The following RALB variants were observed in gnomAD, a reference collection of about 807,000 sequenced individuals.
RALB encodes ras-related protein Ral-B.
In RALB, 16 loss-of-function variants were observed where a neutral mutation model predicts 21.3. The ratio of observed to expected loss-of-function variants is 0.75; its 90% CI spans 0.51 to 1.14. The LOEUF is 1.14. RALB is among the 50% of genes most tolerant of loss of function. The pLI, the probability that RALB is intolerant of heterozygous loss-of-function variation, is 0.00. For synonymous variants in RALB, 93 were observed against 96.1 expected, an observed-to-expected ratio of 0.97 and a Z score of 0.19; for missense variants, 161 against 256.2, an observed-to-expected ratio of 0.63 and a Z score of 2.54.
intron 1 of RALB, among the ~76,000 whole-genome samples, chr2:120,271,257 T>TA (rs113749849): frequency 0.027 from 4,138 of 152,328 alleles, 192 homozygotes; most frequent in African/African-American, 0.095. Context: ...GCTTTCAAAA[T>TA]ACATTTTACT....
At chr2:120,253,969 G>A (rs1181199757) in intron 1 of RALB, among the ~76,000 whole-genome samples, 2 of 152,144 alleles carry the variant, frequency 1.3e-5, no homozygotes, top group African/African-American at 2.4e-5. Flanking sequence ...AATGACTGAT[G>A]TTCCAAGCAG....
At chr2:120,277,622 G>A (rs1478711353) in intron 1 of RALB, among the ~76,000 whole-genome samples, 1 of 151,756 alleles carries the variant, frequency 6.6e-6, no homozygotes, top group Non-Finnish European at 1.5e-5. Flanking sequence ...GAGCATGTGA[G>A]CTTGTGAGTG....
intron 1 of RALB, among the ~76,000 whole-genome samples, chr2:120,254,714 A>G (rs1442285805): frequency 6.6e-6 from 1 of 151,992 alleles, no homozygotes; most frequent in Non-Finnish European, 1.5e-5. Context: ...GTCTTGCGCT[A>G]TTTCCCAGGC....
chr2:120,291,345 CTT>C (rs921654784), intron 4 of RALB, among the ~76,000 whole-genome samples: 104 of 152,288 alleles, frequency 6.8e-4, no homozygotes, highest in African/African-American at 2.3e-3. Context: ...CTCTTACACT[CTT>C]ATATTATTGT....
intron 4 of RALB, among the ~76,000 whole-genome samples, chr2:120,291,033 C>CT (rs1690292705): frequency 6.6e-6 from 1 of 152,200 alleles, no homozygotes; most frequent in Non-Finnish European, 1.5e-5. Context: ...TTCCCCTTTG[C>CT]TTTCATTACC....
intron 3 of RALB, among the ~76,000 whole-genome samples, chr2:120,287,650 G>A (rs1006374266): frequency 2.6e-5 from 4 of 152,216 alleles, no homozygotes; most frequent in Non-Finnish European, 5.9e-5. Context: ...GGTATTTCAA[G>A]TGCTCCTTGT....
chr2:120,252,597 T>C (rs115044970), upstream of RALB, among the ~76,000 whole-genome samples: 1 of 152,160 alleles, frequency 6.6e-6, no homozygotes, highest in East Asian at 1.9e-4. Context: ...GGTTACCAGC[T>C]GCGTGTCCGA....
intron 3 of RALB, among the ~76,000 whole-genome samples, chr2:120,288,546 A>G (rs1025897560): frequency 5.3e-5 from 8 of 152,050 alleles, no homozygotes; most frequent in Admixed American, 2.0e-4. Flanking sequence ...AGATCTCTAC[A>G]AAATACATTT....
chr2:120,263,917 G>A (rs1274459797), intron 1 of RALB, among the ~76,000 whole-genome samples: 1 of 151,850 alleles, frequency 6.6e-6, no homozygotes, highest in Non-Finnish European at 1.5e-5. Flanking sequence ...GTGCGATCTC[G>A]GCTCACTGCA....
At chr2:120,267,631 T>G (rs1215874595) in intron 1 of RALB, among the ~76,000 whole-genome samples, 1 of 152,188 alleles carries the variant, frequency 6.6e-6, no homozygotes, top group African/African-American at 2.4e-5. Context: ...TTACGCTGGC[T>G]TTCACATAGT....
At chr2:120,278,863 C>A in intron 2 of RALB, 85 bp downstream of exon 2, 1 of 1,288,062 alleles carries the variant, frequency 7.8e-7, no homozygotes, top group East Asian at 2.8e-5. Context: ...GCCGGTCCTC[C>A]CGTACACAGG....
At chr2:120,258,029 C>T (rs908349883) in intron 1 of RALB, among the ~76,000 whole-genome samples, 3 of 152,200 alleles carry the variant, frequency 2.0e-5, no homozygotes, top group East Asian at 1.9e-4. Flanking sequence ...TAGTCCCCAC[C>T]GTGTTGCCGG....
At chr2:120,253,696 C>T (rs1689120719) in intron 1 of RALB, 6 of 985,354 alleles carry the variant, frequency 6.1e-6, no homozygotes, top group Non-Finnish European at 7.2e-6. Flanking sequence ...TGCTCATTTC[C>T]AACGAGAAAC....
intron 4 of RALB, among the ~76,000 whole-genome samples, chr2:120,292,081 A>G (rs529436722): frequency 1.3e-3 from 200 of 152,332 alleles, no homozygotes; most frequent in African/African-American, 4.7e-3. Context: ...CTCTGGCATG[A>G]TGGCTGGTAG....
rs531314263 is a variant in RALB at position 120,277,326 on chromosome 2, TTGTG to T, written c.-47-1287_-47-1284del. 2.8e-4 allele frequency among the ~76,000 whole-genome samples: 43 copies of T among 151,206 alleles called. 1 individual carries two copies. The Middle Eastern group carries it at 0.01, about 36-fold the overall frequency. On this transcript the variant is annotated intron_variant, in intron 1 of 4. Transcript: ENST00000272519. ...TGTGAACGTGTTACAGCATGTGAGA[TTGTG>T]TGTGGTGTGAGCATGTGAACATGTG...
intron 4 of RALB, among the ~76,000 whole-genome samples, chr2:120,290,055 G>A (rs1690270301): frequency 6.6e-6 from 1 of 152,170 alleles, no homozygotes; most frequent in Non-Finnish European, 1.5e-5. Context: ...CCAGGCTGGA[G>A]TGGTGTGATC....
At chr2:120,262,223 C>T (rs1353580089) in intron 1 of RALB, among the ~76,000 whole-genome samples, 1 of 152,100 alleles carries the variant, frequency 6.6e-6, no homozygotes, top group African/African-American at 2.4e-5. Flanking sequence ...TTTTGTAAGA[C>T]GGATGGGGCT....
At chr2:120,247,336 G>T (rs1200269639) in intron 1 of RALB, among the ~76,000 whole-genome samples, 1 of 152,194 alleles carries the variant, frequency 6.6e-6, no homozygotes, top group Non-Finnish European at 1.5e-5. Context: ...AGATGCATGG[G>T]TTTTTTTCCT....
At chr2:120,264,231 A>G (rs1422834502) in intron 1 of RALB, among the ~76,000 whole-genome samples, 1 of 149,760 alleles carries the variant, frequency 6.7e-6, no homozygotes, top group African/African-American at 2.5e-5. Context: ...GCTCACTGCA[A>G]GCTCTGCCTT....
Sources: gnomAD v4.1 joint callset for allele counts (sites outside exome capture counted in the v4.1 genomes callset) on GRCh38, gnomAD v4.1.1 for gene constraint, MANE v1.5 for transcripts, NCBI Gene and HGNC (gene_info 2026-07-23, HGNC 2026-07-21) for gene names.